Variants in PLXNA4 observed in about 807,000 individuals in gnomAD.
The protein encoded by PLXNA4 is plexin-A4.
In PLXNA4, 44 loss-of-function variants were observed where a neutral mutation model predicts 191.8. The ratio of observed to expected loss-of-function variants is 0.23; its 90% confidence interval spans 0.18 to 0.29. PLXNA4 has a LOEUF of 0.29. Ranked by LOEUF, PLXNA4 falls within the 10% of genes least tolerant of loss-of-function variation. The pLI, the probability that PLXNA4 is intolerant of heterozygous loss-of-function variation, is 1.00. For missense variants in PLXNA4, 1,800 were observed against 2,488.8 expected (o/e 0.72, Z 5.89); for synonymous variants, 1,082 against 1,009.5 (o/e 1.07, Z -1.36).
At chr7:132,152,057 G>A (rs1795662572) in intron 25 of PLXNA4, among the ~76,000 whole-genome samples, 1 of 152,158 alleles carries the variant, frequency 6.6e-6, no homozygotes, top group Admixed American at 6.5e-5. Flanking sequence ...ATCACGGAAT[G>A]TCTCAAGAAG....
intron 2 of PLXNA4, among the ~76,000 whole-genome samples, chr7:132,504,108 C>A (rs555842182): frequency 2.0e-5 from 3 of 152,366 alleles, no homozygotes; most frequent in East Asian, 1.9e-4. Context: ...GGCCAACCAG[C>A]CCTCATCTCC....
chr7:132,205,273 A>G (rs1797576993), intron 10 of PLXNA4, among the ~76,000 whole-genome samples: 1 of 152,146 alleles, frequency 6.6e-6, no homozygotes, highest in South Asian at 2.1e-4. Context: ...TTCCTTCAGC[A>G]GAATCACCCG....
intron 5 of PLXNA4, among the ~76,000 whole-genome samples, chr7:132,240,459 G>A (rs1047724645): frequency 2.6e-5 from 4 of 152,188 alleles, no homozygotes; most frequent in Admixed American, 1.3e-4. Flanking sequence ...CACTCAGGCC[G>A]GGCTTTATTG....
rs1160407309 is a variant in PLXNA4 at position 132,174,931 on chromosome 7, G to C, written c.3875-11C>G. 1 of 1,613,678 alleles carries C rather than the reference G, an allele frequency of 6.2e-7. No individual in the cohort carries two copies. The stretch of plus-strand genomic sequence containing the variant: ...GCAGCTCGGCAAAGGCTGGCACGAA[G>C]AGAAGCCTGTGAGATGGCTGGATGG... On this transcript the variant is annotated splice_polypyrimidine_tract_variant and intron_variant, in intron 20 of 31. Coordinates refer to ENST00000321063, the MANE Select transcript of PLXNA4 (RefSeq NM_020911.2).
intron 10 of PLXNA4, among the ~76,000 whole-genome samples, chr7:132,203,625 T>C (rs57414337): frequency 0.2 from 31,111 of 151,940 alleles, 3,495 homozygotes; most frequent in South Asian, 0.29. Flanking sequence ...TCAGAGGGGG[T>C]GGAAGATAAC....
At chr7:132,161,684 G>C (rs752924489) in intron 24 of PLXNA4, among the ~76,000 whole-genome samples, 1 of 151,886 alleles carries the variant, frequency 6.6e-6, no homozygotes, top group African/African-American at 2.4e-5. Context: ...GCTCCCGGGC[G>C]GGCACCTAGC....
At chr7:132,365,318 C>T (rs1418027209) in intron 3 of PLXNA4, among the ~76,000 whole-genome samples, 1 of 148,740 alleles carries the variant, frequency 6.7e-6, no homozygotes, top group African/African-American at 2.5e-5. Context: ...CCGGTCTTTC[C>T]TACGGCCCGC....
intron 3 of PLXNA4, among the ~76,000 whole-genome samples, chr7:132,482,550 A>G (rs982602808): frequency 1.3e-5 from 2 of 152,188 alleles, no homozygotes; most frequent in African/African-American, 4.8e-5. Context: ...CCCAGATTCC[A>G]GAACCACAGA....
At position 132,129,044 on chromosome 7, in the gene PLXNA4, T is replaced by C. The variant is rs142578886; in HGVS notation, c.*1435A>G. 13 of 152,348 alleles carry C rather than the reference T, an allele frequency of 8.5e-5. No homozygotes were observed. Among genetic ancestry groups the C allele is most frequent in the African/African-American group, 2.2e-4 (9 of 41,572 alleles). 9.4% of individuals were successfully genotyped at this position (152,348 alleles called of 1,614,324 possible). ...ACATTTGCCTGCCTGGCTAAAATCG[T>C]GCATCTGTAGATGTAAGAACAGATG... On this transcript the variant is annotated 3_prime_UTR_variant, in exon 32 of 32. Transcript: ENST00000321063.
intron 3 of PLXNA4, among the ~76,000 whole-genome samples, chr7:132,436,879 T>C (rs566993779): frequency 6.6e-6 from 1 of 152,286 alleles, no homozygotes; most frequent in East Asian, 1.9e-4. Context: ...CCCCACTCAA[T>C]GCAGGCTGCT....
At chr7:132,417,333 G>C (rs1019480893) in intron 3 of PLXNA4, among the ~76,000 whole-genome samples, 1 of 152,166 alleles carries the variant, frequency 6.6e-6, no homozygotes, top group East Asian at 1.9e-4. Flanking sequence ...CCTGTGTCAT[G>C]AGGCCTGCGC....
At chr7:132,141,102 C>T (rs1013268234) in intron 29 of PLXNA4, among the ~76,000 whole-genome samples, 12 of 152,180 alleles carry the variant, frequency 7.9e-5, no homozygotes, top group African/African-American at 2.9e-4. Flanking sequence ...CAGGGCTCAT[C>T]ATCTTCCCTT....
At chr7:132,272,011 G>C (rs1199421860) in intron 4 of PLXNA4, among the ~76,000 whole-genome samples, 1 of 152,184 alleles carries the variant, frequency 6.6e-6, no homozygotes, top group Non-Finnish European at 1.5e-5. Context: ...TATGATTGAA[G>C]GAAGGAGGGA....
chr7:132,235,158 A>G (rs1798654483), intron 5 of PLXNA4, among the ~76,000 whole-genome samples: 1 of 152,112 alleles, frequency 6.6e-6, no homozygotes, highest in Non-Finnish European at 1.5e-5. Context: ...ATGGAAGGGG[A>G]GGGGGACCAG....
Position 132,298,118 on chromosome 7 carries a change from C to T in PLXNA4, c.1476G>A (p.Glu492=). The T allele has an allele frequency of 1.2e-6, 2 of 1,614,168 alleles. No individual in the cohort carries two copies. The highest frequency in any genetic ancestry group is 1.7e-6 in the Non-Finnish European group (2 of 1,180,030). ...LRDMAFSKDH[E]QLYIMSERQL... is the part of the protein sequence containing the mutation. Reference sequence around the variant, plus strand: ...GCCTCTCTGACATGATGTAGAGTTGCTCGTGGTCCTTGGAGAAGGCCATAT... The same window carrying T: ...GCCTCTCTGACATGATGTAGAGTTGTTCGTGGTCCTTGGAGAAGGCCATAT... The change falls in exon 4 of 32, where the codon GAG becomes GAA. Residue 492 remains glutamate, a synonymous_variant. Coordinates refer to ENST00000321063, the MANE Select transcript of PLXNA4 (RefSeq NM_020911.2).
intron 2 of PLXNA4, among the ~76,000 whole-genome samples, chr7:132,598,789 T>C (rs1802764017): frequency 1.3e-5 from 2 of 152,344 alleles, no homozygotes; most frequent in South Asian, 4.1e-4. Flanking sequence ...TTTGATATGA[T>C]TATGGTAAAT....
intron 18 of PLXNA4, 117 bp from the exon 19 acceptor site, chr7:132,180,849 AC>A (rs1421193139): frequency 1.4e-6 from 2 of 1,470,484 alleles, no homozygotes; most frequent in African/African-American, 2.8e-5. Flanking sequence ...TGAAGAAGCC[AC>A]CTTTGGTAAT....
chr7:132,566,556 T>G (rs1801732540), intron 1 of PLXNA4, among the ~76,000 whole-genome samples: 1 of 152,228 alleles, frequency 6.6e-6, no homozygotes, highest in Non-Finnish European at 1.5e-5. Context: ...TTTGTTAATT[T>G]GATAAAGAAC....
At chr7:132,250,931 G>T (rs1584900372) in intron 4 of PLXNA4, among the ~76,000 whole-genome samples, 1 of 152,120 alleles carries the variant, frequency 6.6e-6, no homozygotes, top group Non-Finnish European at 1.5e-5. Context: ...GCTGAAGCAG[G>T]GGCAGAGCCT....
Sources: allele counts gnomAD v4.1 joint callset (sites outside exome capture counted in the v4.1 genomes callset), GRCh38; gene constraint gnomAD v4.1.1; transcripts MANE v1.5; gene names NCBI Gene and HGNC (gene_info 2026-07-23, HGNC 2026-07-21).